The following ASAH1 variants were observed in gnomAD, a reference collection of about 807,000 sequenced individuals.
The protein encoded by ASAH1 is acid ceramidase.
A neutral mutation model predicts 59.5 loss-of-function variants in ASAH1; 70 were observed. The ratio of observed to expected loss-of-function variants is 1.18; its 90% CI spans 0.97 to 1.43. The LOEUF (loss-of-function observed/expected upper bound fraction) is 1.43, where lower values mean the gene tolerates loss of function less well. Among genes scored for constraint, ASAH1 ranks in the 40% most tolerant of loss-of-function variants. ASAH1 has a pLI of 0.00. For synonymous variants in ASAH1, 213 were observed against 166.5 expected, an observed-to-expected ratio of 1.28 and a Z score of -2.15; for missense variants, 660 against 482.5, an observed-to-expected ratio of 1.37 and a Z score of -3.45.
Position 18,067,312 on chromosome 8 carries a change from A to G in ASAH1, c.304-14T>C. 1.3e-6 allele frequency: 2 copies of G among 1,548,366 alleles called. No individual in the cohort carries two copies. Among genetic ancestry groups the G allele is most frequent in the Non-Finnish European group, 1.8e-6 (2 of 1,138,594 alleles). ...AAGTAGGCCAGGCTGGAAAACAAAT[A>G]TATTAATAAAAGCATTTAACATAAT... is the stretch of plus-strand genomic sequence containing the variant. On this transcript the variant is annotated splice_polypyrimidine_tract_variant and intron_variant, in intron 4 of 13. Transcript: ENST00000637790.
chr8:18,065,986 G>A (rs1250840703), intron 5 of ASAH1: 3 of 151,726 alleles, frequency 2.0e-5, no homozygotes, highest in African/African-American at 7.3e-5. Flanking sequence ...CTTTTGAATT[G>A]ATGCTGTTTA....
chr8:18,068,950 G>C (rs924202355), intron 4 of ASAH1, among the ~76,000 whole-genome samples: 1 of 152,036 alleles, frequency 6.6e-6, no homozygotes, highest in South Asian at 2.1e-4. Context: ...GACCAGCCTG[G>C]GTGACACAGC....
chr8:18,082,832 A>G (rs931494127), intron 1 of ASAH1, among the ~76,000 whole-genome samples: 1 of 152,184 alleles, frequency 6.6e-6, no homozygotes, highest in Non-Finnish European at 1.5e-5. Context: ...GTATCAAAGT[A>G]TCAAAGTCTC....
intron 2 of ASAH1, 55 bp downstream of exon 2, chr8:18,075,486 C>A (rs2117078111): frequency 6.4e-7 from 1 of 1,555,078 alleles, no homozygotes; most frequent in Non-Finnish European, 8.9e-7. Context: ...TTATTACATA[C>A]AGAAAAAACT....
At chr8:18,075,749 T>G (rs901118559) in intron 1 of ASAH1, 162 bp from the exon 2 acceptor site, 27 of 661,130 alleles carry the variant, frequency 4.1e-5, no homozygotes, top group Admixed American at 2.4e-4. Flanking sequence ...CCAAGAAAAC[T>G]TCTAAAATCC....
chr8:18,061,124 A>G (rs1799678715), intron 10 of ASAH1: 1 of 355,868 alleles, frequency 2.8e-6, no homozygotes, highest in Non-Finnish European at 5.2e-6. Flanking sequence ...TTTTCTGTAC[A>G]CCAAAAATAT....
intron 4 of ASAH1, among the ~76,000 whole-genome samples, chr8:18,068,912 G>A (rs973704319): frequency 2.0e-5 from 3 of 152,164 alleles, no homozygotes; most frequent in Admixed American, 1.3e-4. Context: ...GTTGAGGCGG[G>A]AAGATCGCCT....
chr8:18,066,145 CT>C (rs1799919750), intron 5 of ASAH1: 1 of 152,040 alleles, frequency 6.6e-6, no homozygotes, highest in East Asian at 1.9e-4. Context: ...ATATATATGA[CT>C]TTGGGGTAGG....
Position 18,062,674 on chromosome 8 carries a change from C to T in ASAH1, c.504-251G>A, listed in dbSNP as rs576151596. On this transcript the variant is annotated intron_variant, in intron 7 of 13. Transcript: ENST00000637790. ...GAGCCTCAGATTCAAACATAGAATGCTAATTACAATATTCTTATTTTTTCA... is the reference window on the plus strand; with the variant it reads ...GAGCCTCAGATTCAAACATAGAATGTTAATTACAATATTCTTATTTTTTCA... 3.4e-4 allele frequency: 173 copies of T among 507,918 alleles called. No individual in the cohort carries two copies. In the Middle Eastern group the frequency reaches 6.2e-3, roughly 18 times the overall value. 31.5% of individuals were successfully genotyped at this position (507,918 alleles called of 1,614,324 possible). A position where few individuals can be genotyped will look rare whatever the true frequency, so the allele number is the denominator to read the frequency against.
In ASAH1 at chr8:18,062,279, T is replaced by G; in HGVS notation, c.648A>C (p.Pro216=). Reference sequence around the variant, plus strand: ...AATTATGTAACAACAGACTCCTTACTGGTTTGAATCCTGTTAACATGCCCA... The same window carrying G: ...AATTATGTAACAACAGACTCCTTACGGGTTTGAATCCTGTTAACATGCCCA... ...GYVGMLTGFK[P]GLFSLTLNER... is the part of the protein sequence containing the mutation. Residue 216 remains proline (P), a splice_region_variant and synonymous_variant, in exon 8 of 14, where the codon CCA becomes CCC. Transcript: ENST00000637790. 1.9e-6 allele frequency: 3 copies of G among 1,614,224 alleles called. No individual in the cohort carries two copies. Among genetic ancestry groups the G allele is most frequent in the Non-Finnish European group, 2.5e-6 (3 of 1,180,032 alleles).
intron 6 of ASAH1, 21 bp downstream of exon 6, chr8:18,064,436 C>T: frequency 7.4e-7 from 1 of 1,348,280 alleles, no homozygotes; most frequent in Non-Finnish European, 1.1e-6. Context: ...TGCTGCCCAC[C>T]CTCCCTCAGC....
intron 10 of ASAH1, 62 bp from the exon 11 acceptor site, chr8:18,059,765 T>G: frequency 1.4e-6 from 2 of 1,464,402 alleles, no homozygotes; most frequent in Non-Finnish European, 1.9e-6. Flanking sequence ...AATAACTTCA[T>G]TTATTTTTAA....
intron 5 of ASAH1, chr8:18,066,877 G>A (rs1234598325): frequency 3.2e-6 from 1 of 311,636 alleles, no homozygotes; most frequent in African/African-American, 2.1e-5. Context: ...AAATCACACA[G>A]GACAGTTCAT....
chr8:18,075,392 T>G (rs549424436), intron 2 of ASAH1, 149 bp downstream of exon 2: 1 of 878,398 alleles, frequency 1.1e-6, no homozygotes, highest in Non-Finnish European at 1.9e-6. Flanking sequence ...AAATGCATAA[T>G]AAACAAATCT....
chr8:18,057,736 T>C, intron 13 of ASAH1, 113 bp from the exon 14 acceptor site: 3 of 470,640 alleles, frequency 6.4e-6, no homozygotes, highest in Non-Finnish European at 1.1e-5. Context: ...TAATATTAAA[T>C]AATATAACTT....
In ASAH1 at chr8:18,067,348, A is replaced by C. The variant is rs113984528; in HGVS notation, c.304-50T>G. 2.7e-5 allele frequency: 29 copies of C among 1,081,878 alleles called. 3 individuals carry two copies. The East Asian group carries it at 5.5e-4, about 21-fold the overall frequency. The allele number at this position is 1,081,878 out of a possible 1,614,324, so 67.0% of individuals were successfully genotyped here. On this transcript the variant is annotated intron_variant, in intron 4 of 13. Transcript: ENST00000637790. ...AGCATTTAACATAATAACAATAAAAAATATATAATATAATATAAACAAATA... is the reference window on the plus strand; with the variant it reads ...AGCATTTAACATAATAACAATAAAACATATATAATATAATATAAACAAATA...
chr8:18,066,380 A>G (rs1463246950), intron 5 of ASAH1: 1 of 151,154 alleles, frequency 6.6e-6, no homozygotes, highest in Non-Finnish European at 1.5e-5. Context: ...TAAAAGGGCA[A>G]AAGACCTTCA....
chr8:18,083,278 A>C (rs948264340), intron 1 of ASAH1: 1 of 152,354 alleles, frequency 6.6e-6, no homozygotes, highest in South Asian at 2.0e-4. Context: ...GACGTTACGC[A>C]TGTTCAGTAA....
intron 9 of ASAH1, 76 bp downstream of exon 9, chr8:18,061,610 A>C (rs1272802278): frequency 4.6e-6 from 7 of 1,515,898 alleles, no homozygotes; most frequent in Non-Finnish European, 5.4e-6. Flanking sequence ...TGGACTTTGT[A>C]ACCAGAAGGC....
Sources: allele counts gnomAD v4.1 joint callset (sites outside exome capture counted in the v4.1 genomes callset), GRCh38; gene constraint gnomAD v4.1.1; transcripts MANE v1.5; gene names NCBI Gene and HGNC (gene_info 2026-07-23, HGNC 2026-07-21).